Variants in RHOA observed in about 807,000 individuals in gnomAD.
The protein encoded by RHOA is transforming protein RhoA.
RHOA carries 3 observed loss-of-function variants against 17.5 expected under a neutral mutation model. The ratio of observed to expected loss-of-function variants is 0.17; its 90% confidence interval spans 0.08 to 0.44. The LOEUF (loss-of-function observed/expected upper bound fraction) is 0.44. Among genes scored for constraint, RHOA ranks in the 20% least tolerant of loss-of-function variants. The pLI is 0.99. For missense variants in RHOA, 56 were observed against 242.3 expected (o/e 0.23, Z 5.10); for synonymous variants, 98 against 88.4 (o/e 1.11, Z -0.61).
intron 1 of RHOA, among the ~76,000 whole-genome samples, chr3:49,398,032 T>C (rs1352680330): frequency 6.6e-6 from 1 of 152,178 alleles, no homozygotes. Context: ...ATTTTTTCTT[T>C]CGCTACATTC....
At chr3:49,388,858 ATG>A (rs1302764177) in intron 1 of RHOA, among the ~76,000 whole-genome samples, 1 of 152,170 alleles carries the variant, frequency 6.6e-6, no homozygotes, top group Admixed American at 6.6e-5. Flanking sequence ...ATATCTAACC[ATG>A]TGTTATAGCC....
At chr3:49,411,661 C>T (rs2048939255) in intron 1 of RHOA, among the ~76,000 whole-genome samples, 159 bp downstream of exon 1, 1 of 151,694 alleles carries the variant, frequency 6.6e-6, no homozygotes, top group African/African-American at 2.4e-5. Flanking sequence ...GCGCGGGGCC[C>T]GGGCTGGGAG....
chr3:49,369,323 G>C (rs1024119904), intron 2 of RHOA, among the ~76,000 whole-genome samples: 3 of 150,274 alleles, frequency 2.0e-5, no homozygotes, highest in African/African-American at 4.9e-5. Flanking sequence ...ACACCCGGCC[G>C]AGTATTCACT....
chr3:49,377,189 G>C (rs1220950431), intron 1 of RHOA, among the ~76,000 whole-genome samples: 1 of 152,082 alleles, frequency 6.6e-6, no homozygotes, highest in Non-Finnish European at 1.5e-5. Flanking sequence ...CCAACACTTT[G>C]GGAGACTGAA....
At chr3:49,405,734 G>A (rs1178428236) in intron 1 of RHOA, among the ~76,000 whole-genome samples, 2 of 152,000 alleles carry the variant, frequency 1.3e-5, no homozygotes, top group Non-Finnish European at 2.9e-5. Flanking sequence ...CTGTTGCCCG[G>A]GCTGGAGTGC....
intron 1 of RHOA, among the ~76,000 whole-genome samples, chr3:49,402,288 G>A (rs912737593): frequency 6.6e-6 from 1 of 152,002 alleles, no homozygotes; most frequent in Non-Finnish European, 1.5e-5. Context: ...AACTGACAAA[G>A]AAAAATGAAC....
At chr3:49,393,785 C>G (rs1341571719) in intron 1 of RHOA, among the ~76,000 whole-genome samples, 5 of 151,478 alleles carry the variant, frequency 3.3e-5, no homozygotes, top group Non-Finnish European at 7.4e-5. Flanking sequence ...TCTCGGCTCA[C>G]TGCAACCTCC....
intron 3 of RHOA, among the ~76,000 whole-genome samples, chr3:49,367,342 CAA>C (rs62926260): frequency 1.3e-3 from 102 of 80,476 alleles, no homozygotes; most frequent in East Asian, 8.9e-3. Flanking sequence ...GACTCCCTCT[CAA>C]AAAAAAAAAA....
intron 2 of RHOA, among the ~76,000 whole-genome samples, chr3:49,371,069 A>AT (rs2048139662): frequency 6.6e-6 from 1 of 151,928 alleles, no homozygotes; most frequent in Non-Finnish European, 1.5e-5. Flanking sequence ...AATGGAGCTC[A>AT]TTTACTCCCT....
intron 1 of RHOA, among the ~76,000 whole-genome samples, chr3:49,399,475 C>T (rs1014075723): frequency 3.3e-5 from 5 of 151,700 alleles, no homozygotes; most frequent in Admixed American, 3.3e-4. Flanking sequence ...AGTGTAATGG[C>T]GGGATACATA....
chr3:49,383,715 A>G (rs2048353165), intron 1 of RHOA, among the ~76,000 whole-genome samples: 1 of 152,050 alleles, frequency 6.6e-6, no homozygotes, highest in Non-Finnish European at 1.5e-5. Flanking sequence ...CTTTGCTTAT[A>G]GGGAGGGAAT....
chr3:49,369,117 G>A (rs946692752), intron 2 of RHOA, among the ~76,000 whole-genome samples: 2 of 138,724 alleles, frequency 1.4e-5, no homozygotes, highest in African/African-American at 2.8e-5. Flanking sequence ...CTCTGCCCCC[G>A]GGTTCATGCC....
intron 1 of RHOA, among the ~76,000 whole-genome samples, chr3:49,389,570 C>G (rs1347894422): frequency 1.3e-5 from 2 of 152,162 alleles, no homozygotes; most frequent in African/African-American, 4.8e-5. Context: ...CATGACACTT[C>G]TTACTTCTTA....
chr3:49,393,827 A>C lies in RHOA; in HGVS notation c.-3+17993T>G, dbSNP rs373844405. ...CGGGTTCAAGCAGTTCTCCTGTCTC[A>C]GCCTCCTGAGTAGCTGGGATTACAG... On this transcript the variant is annotated intron_variant, in intron 1 of 4. Coordinates refer to ENST00000418115, the MANE Select transcript of RHOA (RefSeq NM_001664.4). Among the ~76,000 whole-genome samples, 18 of 151,064 alleles carry C rather than the reference A, an allele frequency of 1.2e-4. No individual in the cohort carries two copies. In the East Asian group the frequency reaches 2.5e-3, roughly 21 times the overall value.
At chr3:49,395,814 G>A (rs2048606111) in intron 1 of RHOA, among the ~76,000 whole-genome samples, 1 of 152,126 alleles carries the variant, frequency 6.6e-6, no homozygotes, top group African/African-American at 2.4e-5. Context: ...GGGTATGAGG[G>A]TGCCCAAAAG....
intron 1 of RHOA, among the ~76,000 whole-genome samples, chr3:49,378,722 A>C (rs1473535423): frequency 6.6e-6 from 1 of 151,450 alleles, no homozygotes; most frequent in Non-Finnish European, 1.5e-5. Context: ...TCCCACCTCA[A>C]CCTCTCCAGT....
At chr3:49,378,780 C>T (rs1233903722) in intron 1 of RHOA, among the ~76,000 whole-genome samples, 2 of 151,664 alleles carry the variant, frequency 1.3e-5, no homozygotes, top group Non-Finnish European at 2.9e-5. Context: ...AATTTTTATA[C>T]AGATAGCGTT....
At chr3:49,368,929 G>C (rs2048102836) in intron 2 of RHOA, among the ~76,000 whole-genome samples, 1 of 147,150 alleles carries the variant, frequency 6.8e-6, no homozygotes, top group Non-Finnish European at 1.5e-5. Context: ...GGATGGTCTG[G>C]ATCTCCTGAC....
intron 1 of RHOA, among the ~76,000 whole-genome samples, chr3:49,407,100 T>A (rs567981676): frequency 6.6e-5 from 10 of 151,978 alleles, no homozygotes; most frequent in Non-Finnish European, 1.5e-4. Context: ...TGAACAAAGA[T>A]CACTCACTGC....
Sources: allele counts gnomAD v4.1 joint callset (sites outside exome capture counted in the v4.1 genomes callset), GRCh38; gene constraint gnomAD v4.1.1; transcripts MANE v1.5; gene names NCBI Gene and HGNC (gene_info 2026-07-23, HGNC 2026-07-21).